ATR: variants seen among roughly 807,000 people sequenced by gnomAD.
The protein encoded by ATR is ATR checkpoint kinase, also known as serine/threonine-protein kinase ATR.
In ATR, 142 loss-of-function variants were observed where a neutral mutation model predicts 305.3. The observed-to-expected ratio is 0.47, with a 90% CI of 0.41 to 0.53. ATR has a LOEUF of 0.53. Ranked by LOEUF, ATR falls within the 20% of genes least tolerant of loss-of-function variation. The pLI is 0.00. For missense variants in ATR, 2,135 were observed against 3,133.1 expected (o/e 0.68, Z 7.60); for synonymous variants, 1,050 against 1,068.1 (o/e 0.98, Z 0.33).
chr3:142,539,003 A>G (rs1022035588), intron 18 of ATR, among the ~76,000 whole-genome samples: 1 of 152,164 alleles, frequency 6.6e-6, no homozygotes, highest in East Asian at 1.9e-4. Flanking sequence ...GGGACTATGC[A>G]AATGTTTTAT....
At chr3:142,496,322 A>ACATGTATATATATATG (rs756168368) in intron 34 of ATR, 39 bp downstream of exon 34, 1 of 246,566 alleles carries the variant, frequency 4.1e-6, no homozygotes, top group African/African-American at 7.9e-5. Flanking sequence ...ATATATATAT[A>ACATGTATATATATATG]TATATATATA....
Position 142,559,315 on chromosome 3 carries a change from T to C in ATR, c.1668A>G (p.Lys556=), listed in dbSNP as rs775561928. ...TATCAATGGTTGCCTCCAGGTCCAG[T>C]TTCTGAACAGATTCTAACAAACTTC... ...SCRSLLESVQ[K]LDLEATIDKV... Residue 556 remains lysine, a synonymous_variant, in exon 7 of 47, where the codon AAA becomes AAG. Coordinates refer to ENST00000350721, the MANE Select transcript of ATR (RefSeq NM_001184.4). 2 of 1,614,074 alleles carry C rather than the reference T, an allele frequency of 1.2e-6. No individual in the cohort carries two copies. Among genetic ancestry groups the C allele is most frequent in the Non-Finnish European group, 1.7e-6 (2 of 1,179,956 alleles).
chr3:142,485,353 A>C, intron 35 of ATR, 71 bp from the exon 36 acceptor site: 1 of 1,546,094 alleles, frequency 6.5e-7, no homozygotes, highest in East Asian at 2.3e-5. Flanking sequence ...ATATGAATAG[A>C]TGATTAGGGA....
chr3:142,559,530 T>C (rs1386843216), intron 6 of ATR, 89 bp from the exon 7 acceptor site: 5 of 1,275,144 alleles, frequency 3.9e-6, no homozygotes, highest in Non-Finnish European at 4.5e-6. Flanking sequence ...CCAAAAGAAA[T>C]TGTGAGTACG....
intron 1 of ATR, among the ~76,000 whole-genome samples, chr3:142,573,546 C>T (rs1446719243): frequency 6.8e-6 from 1 of 147,874 alleles, no homozygotes; most frequent in Non-Finnish European, 1.5e-5. Context: ...GTTACATTTG[C>T]ATATGAAAGC....
At chr3:142,483,927 A>G (rs1157383316) in intron 36 of ATR, among the ~76,000 whole-genome samples, 1 of 151,924 alleles carries the variant, frequency 6.6e-6, no homozygotes, top group Non-Finnish European at 1.5e-5. Flanking sequence ...CTGGAATTCT[A>G]TGGTTGGGGA....
rs572651253 is a variant in ATR at position 142,558,553 on chromosome 3, A to G, written c.1885+71T>C. On this transcript the variant is annotated intron_variant, in intron 8 of 46. Coordinates refer to ENST00000350721, the MANE Select transcript of ATR (RefSeq NM_001184.4). ...AAATAAATAAATAAATAAATAAATAAATAAATAGATAGATAGATAGATAGA... is the reference window on the plus strand; with the variant it reads ...AAATAAATAAATAAATAAATAAATAGATAAATAGATAGATAGATAGATAGA... The G allele has an allele frequency of 1.1e-3, 1,234 of 1,077,180 alleles. 5 individuals are homozygous for G. In the African/African-American group the frequency reaches 0.016, roughly 14 times the overall value. 66.7% of individuals were successfully genotyped at this position (1,077,180 alleles called of 1,614,324 possible). A position where few individuals can be genotyped will look rare whatever the true frequency, so the allele number is the denominator to read the frequency against.
At chr3:142,548,920 T>C (rs767158134) in intron 15 of ATR, among the ~76,000 whole-genome samples, 44 of 152,038 alleles carry the variant, frequency 2.9e-4, no homozygotes, top group Non-Finnish European at 1.8e-4. Flanking sequence ...TGAAACAAAT[T>C]AAGTAAATTA....
chr3:142,521,002 T>C (rs368731933), intron 23 of ATR, among the ~76,000 whole-genome samples: 7 of 152,178 alleles, frequency 4.6e-5, no homozygotes, highest in African/African-American at 1.7e-4. Flanking sequence ...ATTGGTGACT[T>C]TAAATTGAAG....
Position 142,499,592 on chromosome 3 carries a change from C to A in ATR, c.5380+35G>T, listed in dbSNP as rs745575550. 1.9e-6 allele frequency: 3 copies of A among 1,602,626 alleles called. No individual in the cohort carries two copies. In the South Asian group the frequency reaches 3.3e-5, roughly 18 times the overall value. ...TACAGGCGTGAGCCACCGCACCCAT[C>A]CTAAAACTGCTTATATTTTAAGAAG... is the stretch of plus-strand genomic sequence containing the variant. On this transcript the variant is annotated intron_variant, in intron 31 of 46. Coordinates refer to ENST00000350721, the MANE Select transcript of ATR (RefSeq NM_001184.4).
chr3:142,530,462 C>A (rs2033593503), intron 21 of ATR, among the ~76,000 whole-genome samples: 2 of 152,098 alleles, frequency 1.3e-5, no homozygotes, highest in Admixed American at 1.3e-4. Context: ...CTTACAGGAA[C>A]CTTGCATACA....
Position 142,524,054 on chromosome 3 carries a change from ATCG to A in ATR, c.4088_4090del (p.Ala1363_Ile1364delinsVal). 6.2e-7 allele frequency: 1 copy of A among 1,614,146 alleles called. No individual in the cohort carries two copies. Among genetic ancestry groups the A allele is most frequent in the Non-Finnish European group, 8.5e-7 (1 of 1,180,006 alleles). On this transcript the variant is annotated inframe_deletion, in exon 22 of 47. Coordinates refer to ENST00000350721, the MANE Select transcript of ATR (RefSeq NM_001184.4). ...TGAGAAATCTAATCGACCTGGATCT[ATCG>A]CCCCCAATTCCCCTAAACATTCCCC...
intron 16 of ATR, among the ~76,000 whole-genome samples, chr3:142,544,953 C>A (rs988956973): frequency 6.6e-6 from 1 of 152,162 alleles, no homozygotes. Context: ...AGCCACAATT[C>A]ACTAATTGTA....
At chr3:142,504,155 T>C (rs1367398443) in intron 29 of ATR, among the ~76,000 whole-genome samples, 1 of 152,210 alleles carries the variant, frequency 6.6e-6, no homozygotes, top group Non-Finnish European at 1.5e-5. Flanking sequence ...AAATTAATGA[T>C]TCTAAACCCC....
intron 21 of ATR, 132 bp from the exon 22 acceptor site, chr3:142,524,331 A>AT: frequency 1.2e-6 from 1 of 857,342 alleles, no homozygotes; most frequent in Non-Finnish European, 1.8e-6. Context: ...TGTATCTGCA[A>AT]TTTTTTCAGC....
At position 142,556,579 on chromosome 3, in the gene ATR, A is replaced by C; in HGVS notation, c.1886-4T>G. The C allele has an allele frequency of 1.9e-6, 3 of 1,613,816 alleles. No individual in the cohort carries two copies. Among genetic ancestry groups the C allele is most frequent in the Non-Finnish European group, 2.5e-6 (3 of 1,179,876 alleles). On this transcript the variant is annotated splice_polypyrimidine_tract_variant and splice_region_variant and intron_variant, in intron 8 of 46. Transcript: ENST00000350721. ...CATCGTGATTGTGCCTGTGGTGCTGAAAAAATTAAGTCTATTAAACAAGAT... is the reference window on the plus strand; with the variant it reads ...CATCGTGATTGTGCCTGTGGTGCTGCAAAAATTAAGTCTATTAAACAAGAT...
intron 35 of ATR, among the ~76,000 whole-genome samples, chr3:142,486,032 T>G (rs1371554113): frequency 1.3e-5 from 2 of 151,962 alleles, no homozygotes; most frequent in East Asian, 3.8e-4. Flanking sequence ...ATCTTCCAAG[T>G]TTTCTCCTCT....
At chr3:142,450,537 A>G in intron 46 of ATR, 1 of 1,606,752 alleles carries the variant, frequency 6.2e-7, no homozygotes. Context: ...AGAAAATCAG[A>G]TCAAGGGAAG....
intron 46 of ATR, chr3:142,450,073 TA>T (rs1225734511): frequency 3.3e-6 from 1 of 303,996 alleles, no homozygotes; most frequent in Non-Finnish European, 6.2e-6. Flanking sequence ...ATTAGAAGAA[TA>T]ATTCTCAGAG....
Sources: allele counts gnomAD v4.1 joint callset (sites outside exome capture counted in the v4.1 genomes callset), GRCh38; gene constraint gnomAD v4.1.1; transcripts MANE v1.5; gene names NCBI Gene and HGNC (gene_info 2026-07-23, HGNC 2026-07-21).